The following ADAMTSL1 variants were observed in gnomAD, a reference collection of about 807,000 sequenced individuals.
ADAMTSL1 encodes ADAMTS-like protein 1.
A neutral mutation model predicts 201.8 loss-of-function variants in ADAMTSL1; 126 were observed. The ratio of observed to expected loss-of-function variants is 0.62; its 90% CI spans 0.54 to 0.72. ADAMTSL1 has a LOEUF of 0.72. ADAMTSL1 is among the 30% of genes least tolerant of loss of function. ADAMTSL1 has a pLI of 0.00. For missense variants in ADAMTSL1, 2,679 were observed against 2,277.8 expected, an observed-to-expected ratio of 1.18 and a Z score of -3.59; for synonymous variants, 1,121 against 903.4, an observed-to-expected ratio of 1.24 and a Z score of -4.32.
intron 1 of ADAMTSL1, among the ~76,000 whole-genome samples, chr9:17,959,114 T>A (rs1817616206): frequency 6.6e-6 from 1 of 152,194 alleles, no homozygotes; most frequent in Admixed American, 6.6e-5. Flanking sequence ...TAGTTTGAAA[T>A]GTAAAAAGGA....
chr9:18,295,641 A>C (rs989004259), intron 2 of ADAMTSL1, among the ~76,000 whole-genome samples: 5 of 152,158 alleles, frequency 3.3e-5, no homozygotes, highest in African/African-American at 1.2e-4. Context: ...CCCGGCTGCA[A>C]CTGTTATTCT....
intron 1 of ADAMTSL1, among the ~76,000 whole-genome samples, chr9:18,485,781 G>A (rs185976582): frequency 4.9e-4 from 75 of 152,310 alleles, no homozygotes; most frequent in African/African-American, 1.7e-3. Context: ...GGTGTTGCAG[G>A]CCACCCCCAG....
chr9:18,095,394 C>T (rs1824201307), intron 1 of ADAMTSL1, among the ~76,000 whole-genome samples: 2 of 149,622 alleles, frequency 1.3e-5, no homozygotes, highest in Non-Finnish European at 3.0e-5. Flanking sequence ...TTAGTAATCC[C>T]TGATAAGTTT....
intron 23 of ADAMTSL1, among the ~76,000 whole-genome samples, chr9:18,844,403 C>A (rs1305365046): frequency 6.6e-6 from 1 of 152,122 alleles, no homozygotes; most frequent in Non-Finnish European, 1.5e-5. Context: ...AAAGTTTTGT[C>A]TCAGAGGAGT....
chr9:18,180,755 T>G (rs565664776), intron 2 of ADAMTSL1, among the ~76,000 whole-genome samples: 1 of 152,210 alleles, frequency 6.6e-6, no homozygotes, highest in African/African-American at 2.4e-5. Flanking sequence ...AAGCTACCAA[T>G]GACTTTCTTC....
intron 2 of ADAMTSL1, among the ~76,000 whole-genome samples, chr9:18,416,673 G>C (rs1818690109): frequency 6.6e-6 from 1 of 151,874 alleles, no homozygotes; most frequent in African/African-American, 2.4e-5. Context: ...AATCACACCA[G>C]GAATAAAGAA....
chr9:18,830,408 T>A (rs112687104), intron 23 of ADAMTSL1, among the ~76,000 whole-genome samples: 152 of 152,228 alleles, frequency 1.0e-3, no homozygotes, highest in African/African-American at 3.5e-3. Context: ...AAGTCAAATA[T>A]CAGCACCCTC....
chr9:18,412,295 G>C (rs1271927242), intron 2 of ADAMTSL1, among the ~76,000 whole-genome samples: 3 of 152,102 alleles, frequency 2.0e-5, no homozygotes, highest in African/African-American at 4.8e-5. Flanking sequence ...TCCAACACTG[G>C]TGATGTTAAG....
intron 2 of ADAMTSL1, among the ~76,000 whole-genome samples, chr9:18,457,393 G>A (rs1185167001): frequency 6.6e-6 from 1 of 152,168 alleles, no homozygotes; most frequent in African/African-American, 2.4e-5. Context: ...ATGCAGTGGT[G>A]TGATCATGGC....
At chr9:18,438,716 C>T (rs1286112672) in intron 2 of ADAMTSL1, among the ~76,000 whole-genome samples, 5 of 152,186 alleles carry the variant, frequency 3.3e-5, no homozygotes, top group Non-Finnish European at 5.9e-5. Flanking sequence ...CCGGCGCCAA[C>T]TCCTCCGCAG....
intron 2 of ADAMTSL1, among the ~76,000 whole-genome samples, chr9:18,188,406 T>G (rs1828829495): frequency 6.6e-6 from 1 of 152,102 alleles, no homozygotes; most frequent in South Asian, 2.1e-4. Flanking sequence ...GCTTCCTCAG[T>G]GGCAAATGAA....
chr9:18,085,567 A>G (rs1823722481), intron 1 of ADAMTSL1, among the ~76,000 whole-genome samples: 4 of 149,706 alleles, frequency 2.7e-5, no homozygotes, highest in African/African-American at 7.4e-5. Flanking sequence ...CTGTGTGTAT[A>G]CATATATACA....
chr9:18,213,437 T>A (rs1295185838), intron 2 of ADAMTSL1, among the ~76,000 whole-genome samples: 1 of 152,132 alleles, frequency 6.6e-6, no homozygotes, highest in Non-Finnish European at 1.5e-5. Flanking sequence ...CGCCCTCTAG[T>A]GTTGTTTTCC....
intron 4 of ADAMTSL1, among the ~76,000 whole-genome samples, chr9:18,577,120 C>T (rs1487149869): frequency 6.6e-6 from 1 of 152,160 alleles, no homozygotes; most frequent in Non-Finnish European, 1.5e-5. Context: ...GTATTGAAAA[C>T]ACTTTTCTTA....
intron 1 of ADAMTSL1, among the ~76,000 whole-genome samples, chr9:17,987,072 T>G (rs1471258552): frequency 6.6e-6 from 1 of 152,088 alleles, no homozygotes; most frequent in Non-Finnish European, 1.5e-5. Flanking sequence ...GTCTCTTTCA[T>G]GGACTTAGTG....
chr9:18,518,755 C>A (rs1818511417), intron 2 of ADAMTSL1, among the ~76,000 whole-genome samples: 1 of 152,186 alleles, frequency 6.6e-6, no homozygotes, highest in African/African-American at 2.4e-5. Context: ...GTCACCCAGG[C>A]TGGAGTGCAG....
chr9:18,430,778 A>C (rs970118988), intron 2 of ADAMTSL1, among the ~76,000 whole-genome samples: 1 of 152,170 alleles, frequency 6.6e-6, no homozygotes, highest in African/African-American at 2.4e-5. Flanking sequence ...GGGATAAATA[A>C]ATGTTTGCTG....
intron 2 of ADAMTSL1, among the ~76,000 whole-genome samples, chr9:18,169,329 C>T (rs1190240425): frequency 6.6e-6 from 1 of 151,912 alleles, no homozygotes; most frequent in African/African-American, 2.4e-5. Context: ...GATCCAGTTT[C>T]AGCTTTCTAC....
intron 2 of ADAMTSL1, among the ~76,000 whole-genome samples, chr9:18,260,395 C>T (rs1181741595): frequency 4.6e-5 from 7 of 152,254 alleles, no homozygotes; most frequent in Non-Finnish European, 8.8e-5. Flanking sequence ...TTTTAGTACA[C>T]AGAAATATTC....
Sources: allele counts gnomAD v4.1 joint callset (sites outside exome capture counted in the v4.1 genomes callset), GRCh38; gene constraint gnomAD v4.1.1; transcripts MANE v1.5; gene names NCBI Gene and HGNC (gene_info 2026-07-23, HGNC 2026-07-21).